PRORP: variants seen among roughly 807,000 people sequenced by gnomAD.
PRORP encodes the protein protein only RNase P catalytic subunit.
Under a neutral mutation model 59.4 loss-of-function variants are expected in PRORP, and 51 were observed. The ratio of observed to expected loss-of-function variants is 0.86; its 90% confidence interval spans 0.69 to 1.08. The LOEUF (loss-of-function observed/expected upper bound fraction) is 1.08, where lower values mean the gene tolerates loss of function less well. Among genes scored for constraint, PRORP ranks in the 50% least tolerant of loss-of-function variants. PRORP has a pLI of 0.00. For synonymous variants in PRORP, 231 were observed against 245.6 expected (o/e 0.94, Z 0.55); for missense variants, 646 against 690.3 (o/e 0.94, Z 0.72).
intron 5 of PRORP, among the ~76,000 whole-genome samples, chr14:35,224,148 T>C (rs567573779): frequency 2.6e-5 from 4 of 152,312 alleles, no homozygotes; most frequent in African/African-American, 9.6e-5. Context: ...GCCAGAGATA[T>C]GAATCATAGG....
chr14:35,207,295 C>T (rs1341018024), intron 5 of PRORP, among the ~76,000 whole-genome samples: 2 of 152,148 alleles, frequency 1.3e-5, no homozygotes, highest in Non-Finnish European at 2.9e-5. Context: ...AATAAAAAGA[C>T]CTTACAATTC....
intron 5 of PRORP, among the ~76,000 whole-genome samples, chr14:35,236,218 G>A (rs908819172): frequency 6.6e-6 from 1 of 151,582 alleles, no homozygotes; most frequent in Non-Finnish European, 1.5e-5. Flanking sequence ...CAAATTCCTT[G>A]TTCTTTCCCG....
chr14:35,254,844 T>C (rs1454483618), intron 5 of PRORP, among the ~76,000 whole-genome samples: 3 of 152,178 alleles, frequency 2.0e-5, no homozygotes, highest in Non-Finnish European at 4.4e-5. Flanking sequence ...ACACCTCTGC[T>C]TGAGTCACAT....
intron 3 of PRORP, among the ~76,000 whole-genome samples, chr14:35,127,057 A>C (rs1056117773): frequency 4.6e-5 from 7 of 152,120 alleles, no homozygotes; most frequent in African/African-American, 1.7e-4. Context: ...TATTTATTTA[A>C]TTCACCAATA....
chr14:35,253,378 GAAAGAAAGAA>G (rs1322734744), intron 5 of PRORP, among the ~76,000 whole-genome samples: 6 of 136,244 alleles, frequency 4.4e-5, no homozygotes, highest in East Asian at 2.0e-4. Context: ...AGAAAGAAAA[GAAAGAAAGAA>G]AAAGAAAGAA....
intron 4 of PRORP, among the ~76,000 whole-genome samples, chr14:35,149,781 G>A (rs894662415): frequency 6.6e-6 from 1 of 152,084 alleles, no homozygotes; most frequent in Admixed American, 6.5e-5. Flanking sequence ...GATTTCTTTC[G>A]AGAACTTTGC....
chr14:35,175,454 ATCTCAT>A (rs1384574625), intron 4 of PRORP, among the ~76,000 whole-genome samples: 1 of 152,018 alleles, frequency 6.6e-6, no homozygotes, highest in Non-Finnish European at 1.5e-5. Flanking sequence ...GTGAGATGGT[ATCTCAT>A]TGTGGTTTTG....
chr14:35,204,646 G>GA (rs201463595), intron 5 of PRORP, among the ~76,000 whole-genome samples: 16 of 150,162 alleles, frequency 1.1e-4, no homozygotes, highest in African/African-American at 3.9e-4. Flanking sequence ...GGGGAAATAA[G>GA]AAAAAAAAAG....
At chr14:35,213,939 G>A (rs2049518300) in intron 5 of PRORP, among the ~76,000 whole-genome samples, 1 of 152,194 alleles carries the variant, frequency 6.6e-6, no homozygotes, top group Non-Finnish European at 1.5e-5. Context: ...ACACAGGACT[G>A]CCACCAATCT....
intron 5 of PRORP, among the ~76,000 whole-genome samples, chr14:35,204,952 A>G (rs904320749): frequency 1.3e-5 from 2 of 152,170 alleles, no homozygotes; most frequent in Admixed American, 6.5e-5. Flanking sequence ...TAATCCTCTC[A>G]ACAGTCTAAT....
chr14:35,127,505 C>CTAT lies in PRORP; in HGVS notation c.1061_1062insTAT (p.Ile355dup). On this transcript the variant is annotated inframe_insertion, in exon 4 of 8. Transcript: ENST00000534898. The stretch of plus-strand genomic sequence containing the variant: ...GGCCAGTGTTCGGGCTGTGGAAAAA[C>CTAT]CATAGAGTCTATTCAGCTGAGTCCA... 6.2e-7 allele frequency: 1 copy of CTAT among 1,610,972 alleles called. No homozygotes were observed. The highest frequency in any genetic ancestry group is 8.5e-7 in the Non-Finnish European group (1 of 1,178,258).
intron 5 of PRORP, among the ~76,000 whole-genome samples, chr14:35,243,477 A>C (rs1448029781): frequency 2.0e-5 from 3 of 151,696 alleles, no homozygotes; most frequent in Non-Finnish European, 4.4e-5. Context: ...TTGAGGCTGC[A>C]GTGAGCCGTG....
intron 4 of PRORP, among the ~76,000 whole-genome samples, chr14:35,149,219 T>TA (rs1324083280): frequency 6.6e-6 from 1 of 151,456 alleles, no homozygotes; most frequent in Non-Finnish European, 1.5e-5. Context: ...GCGCCCGGCC[T>TA]AATTTTTTTT....
chr14:35,271,901 C>T (rs1203001680), intron 7 of PRORP, among the ~76,000 whole-genome samples: 1 of 152,110 alleles, frequency 6.6e-6, no homozygotes, highest in African/African-American at 2.4e-5. Flanking sequence ...TGGCGTGTGC[C>T]TATAATCCCA....
chr14:35,154,161 T>C (rs928624653), intron 4 of PRORP, among the ~76,000 whole-genome samples: 1 of 152,154 alleles, frequency 6.6e-6, no homozygotes, highest in African/African-American at 2.4e-5. Flanking sequence ...TAAGGTCAGC[T>C]TTTCCTAGTG....
At chr14:35,148,471 A>G (rs551640480) in intron 4 of PRORP, among the ~76,000 whole-genome samples, 2 of 152,336 alleles carry the variant, frequency 1.3e-5, no homozygotes, top group African/African-American at 4.8e-5. Flanking sequence ...TCAGTAAACC[A>G]TGCTGTAGAC....
intron 5 of PRORP, among the ~76,000 whole-genome samples, chr14:35,219,513 C>G (rs528067982): frequency 6.6e-6 from 1 of 152,298 alleles, no homozygotes; most frequent in East Asian, 1.9e-4. Flanking sequence ...GTCCTGAGTA[C>G]TTGAAAAGTA....
chr14:35,129,163 ACG>A (rs2047172848), intron 4 of PRORP, among the ~76,000 whole-genome samples: 1 of 152,050 alleles, frequency 6.6e-6, no homozygotes, highest in South Asian at 2.1e-4. Context: ...AGCCGAGATC[ACG>A]CCATTGCACT....
intron 5 of PRORP, among the ~76,000 whole-genome samples, chr14:35,214,495 G>A (rs1039938769): frequency 6.6e-6 from 1 of 152,212 alleles, no homozygotes; most frequent in South Asian, 2.1e-4. Context: ...TGCAGAGGTT[G>A]TGTGGTTATA....
Sources: allele counts gnomAD v4.1 joint callset (sites outside exome capture counted in the v4.1 genomes callset), GRCh38; gene constraint gnomAD v4.1.1; transcripts MANE v1.5; gene names NCBI Gene and HGNC (gene_info 2026-07-23, HGNC 2026-07-21).